OR9Q1: variants seen among roughly 807,000 people sequenced by gnomAD.
OR9Q1 encodes olfactory receptor 9Q1.
For synonymous variants in OR9Q1, 153 were observed against 148.6 expected (o/e 1.03, Z -0.22); for missense variants, 374 against 378.8 (o/e 0.99, Z 0.11).
intron 2 of OR9Q1, among the ~76,000 whole-genome samples, chr11:58,058,783 C>T (rs1590563201): frequency 6.6e-6 from 1 of 152,152 alleles, no homozygotes; most frequent in Admixed American, 6.6e-5. Flanking sequence ...GCTGATCCAG[C>T]CACTCAAAGT....
intron 2 of OR9Q1, among the ~76,000 whole-genome samples, chr11:58,086,069 A>G (rs1853630967): frequency 6.6e-6 from 1 of 151,960 alleles, no homozygotes; most frequent in African/African-American, 2.4e-5. Context: ...GCCTTGGCAG[A>G]CAGACAACAC....
At chr11:58,155,830 T>A (rs1590619720) in intron 2 of OR9Q1, among the ~76,000 whole-genome samples, 2 of 152,328 alleles carry the variant, frequency 1.3e-5, no homozygotes, top group East Asian at 3.9e-4. Context: ...TTCTTTTTTT[T>A]TGATTAAAGC....
intron 2 of OR9Q1, among the ~76,000 whole-genome samples, chr11:58,142,695 T>A (rs1210117976): frequency 6.6e-6 from 1 of 152,204 alleles, no homozygotes; most frequent in Admixed American, 6.5e-5. Flanking sequence ...ACATTCACTA[T>A]GTTCATTACT....
At chr11:58,039,531 G>T (rs1456644140) in intron 1 of OR9Q1, among the ~76,000 whole-genome samples, 2 of 152,202 alleles carry the variant, frequency 1.3e-5, no homozygotes, top group African/African-American at 4.8e-5. Flanking sequence ...ATCAGTTGAT[G>T]CCCAGTATTT....
At chr11:58,118,504 A>G in intron 2 of OR9Q1, 1 of 1,586,262 alleles carries the variant, frequency 6.3e-7, no homozygotes, top group Non-Finnish European at 8.6e-7. Flanking sequence ...TTAGATCTAC[A>G]TGCTCAGGGA....
At chr11:58,149,991 G>A (rs1432851871) in intron 2 of OR9Q1, among the ~76,000 whole-genome samples, 1 of 152,146 alleles carries the variant, frequency 6.6e-6, no homozygotes, top group African/African-American at 2.4e-5. Context: ...ACTTAAAAGT[G>A]GAATTGTTGG....
chr11:58,165,365 G>A (rs1254615290), intron 2 of OR9Q1, among the ~76,000 whole-genome samples: 1 of 152,108 alleles, frequency 6.6e-6, no homozygotes, highest in East Asian at 1.9e-4. Flanking sequence ...ATTACCTCCT[G>A]TGGCTTCATG....
At chr11:58,068,132 A>G (rs2120011844) in intron 2 of OR9Q1, among the ~76,000 whole-genome samples, 1 of 151,774 alleles carries the variant, frequency 6.6e-6, no homozygotes, top group South Asian at 2.1e-4. Flanking sequence ...TGAGTTCAGG[A>G]GTTCAAGACC....
rs1030683080 is a variant in OR9Q1, at chr11:58,146,425, T to C, written c.-14-33006T>C. Among the ~76,000 whole-genome samples the C allele has an allele frequency of 3.3e-5, 5 of 152,214 alleles. 1 individual carries two copies. Among genetic ancestry groups the C allele is most frequent in the African/African-American group, 1.2e-4 (5 of 41,458 alleles). ...ATTCATCAATTCAGCAAATATATGC[T>C]ATCTACTATGTATCAAATATTAAGT... is the stretch of plus-strand genomic sequence containing the variant. On this transcript the variant is annotated intron_variant, in intron 2 of 2. Transcript: ENST00000335397.
intron 2 of OR9Q1, among the ~76,000 whole-genome samples, chr11:58,121,283 C>T (rs545267700): frequency 1.3e-5 from 2 of 152,172 alleles, no homozygotes; most frequent in Admixed American, 1.3e-4. Context: ...ATTTGAGTCA[C>T]CTCGTAATAC....
chr11:58,179,025 A>AGAGAGAGAGAGG (rs1854633886), intron 2 of OR9Q1, among the ~76,000 whole-genome samples: 1 of 148,788 alleles, frequency 6.7e-6, no homozygotes, highest in Non-Finnish European at 1.5e-5. Context: ...AGAGAGAGAG[A>AGAGAGAGAGAGG]GAGAGAGAGA....
chr11:58,066,828 C>T (rs903065883), intron 2 of OR9Q1, among the ~76,000 whole-genome samples: 7 of 152,068 alleles, frequency 4.6e-5, no homozygotes, highest in African/African-American at 7.2e-5. Flanking sequence ...AGAAATAATC[C>T]GGTGATGCAC....
intron 2 of OR9Q1, among the ~76,000 whole-genome samples, chr11:58,103,639 G>A (rs535527532): frequency 2.0e-5 from 3 of 152,092 alleles, no homozygotes; most frequent in South Asian, 2.1e-4. Flanking sequence ...CTTTAGAAGT[G>A]TCATGTTTTG....
At chr11:58,152,481 G>A (rs1155583) in intron 2 of OR9Q1, among the ~76,000 whole-genome samples, 102,516 of 152,006 alleles carry the variant, frequency 0.67, 34,944 homozygotes, top group East Asian at 0.88. Flanking sequence ...CATTATTTTA[G>A]TTTGTATTTC....
Position 58,179,477 on chromosome 11 carries a change from G to A in OR9Q1, c.33G>A (p.Glu11=). MAEMNLTLVT[E]FLLIAFTEYP... The stretch of plus-strand genomic sequence containing the variant: ...AGATGAACCTCACCTTGGTGACCGA[G>A]TTCCTCCTTATTGCATTCACTGAAT... The change falls in exon 3 of 3, where the codon GAG becomes GAA. Residue 11 remains glutamate (E), a synonymous_variant. Transcript: ENST00000335397. 1 of 1,582,964 alleles carries A rather than the reference G, an allele frequency of 6.3e-7. No individual in the cohort carries two copies. Among genetic ancestry groups the A allele is most frequent in the Non-Finnish European group, 8.6e-7 (1 of 1,163,606 alleles).
intron 1 of OR9Q1, chr11:58,044,112 G>A (rs1565058502): frequency 6.6e-6 from 1 of 152,198 alleles, no homozygotes; most frequent in Non-Finnish European, 1.5e-5. Context: ...ACTCATGGTT[G>A]ATAAAAGAAA....
At chr11:58,082,741 T>TATAATAATAATAATAACAATA (rs1265613294) in intron 2 of OR9Q1, among the ~76,000 whole-genome samples, 38 of 125,498 alleles carry the variant, frequency 3.0e-4, no homozygotes, top group African/African-American at 1.1e-3. Context: ...AAACTTAAAG[T>TATAATAATAATAATAACAATA]ATAATAATAA....
Position 58,140,669 on chromosome 11 carries a change from A to G in OR9Q1, c.-14-38762A>G, listed in dbSNP as rs555602042. Among the ~76,000 whole-genome samples, 4 of 152,324 alleles carry G rather than the reference A, an allele frequency of 2.6e-5. No homozygotes were observed. In the South Asian group the frequency reaches 6.2e-4, roughly 24 times the overall value. On this transcript the variant is annotated intron_variant, in intron 2 of 2. Coordinates refer to ENST00000335397, the MANE Select transcript of OR9Q1 (RefSeq NM_001005212.4). ...ATATCTCTGTTTTGGTACCAGTACC[A>G]TGCTGTGTTGGTTACTGTAGCCTTG...
rs146024684 is a variant in OR9Q1 at position 58,083,095 on chromosome 11, A to G, written c.-15+27148A>G. On this transcript the variant is annotated intron_variant, in intron 2 of 2. Transcript: ENST00000335397. ...AGTCATGAAGTCTTTGCCCATGCCT[A>G]TGTCCTGAATGGTATCGCCTAGGTT... Among the ~76,000 whole-genome samples the G allele has an allele frequency of 3.7e-3, 558 of 152,130 alleles. 17 individuals carry two copies. In the East Asian group the frequency reaches 0.074, roughly 20 times the overall value.
Sources: allele counts gnomAD v4.1 joint callset (sites outside exome capture counted in the v4.1 genomes callset), GRCh38; gene constraint gnomAD v4.1.1; transcripts MANE v1.5; gene names NCBI Gene and HGNC (gene_info 2026-07-23, HGNC 2026-07-21).